The following SPTSSB variants were observed in gnomAD, a reference collection of about 807,000 sequenced individuals.
SPTSSB encodes the protein androgen down regulated in mouse prostate.
Under a neutral mutation model 7.7 loss-of-function variants are expected in SPTSSB, and 6 were observed. That is an observed-to-expected ratio of 0.78 (90% CI 0.43 to 1.54). The LOEUF (loss-of-function observed/expected upper bound fraction) is 1.54, where lower values mean the gene tolerates loss of function less well. SPTSSB is among the 40% of genes most tolerant of loss of function. SPTSSB has a pLI of 0.01. For missense variants in SPTSSB, 91 were observed against 93.0 expected (o/e 0.98, Z 0.09); for synonymous variants, 28 against 29.7 (o/e 0.94, Z 0.19).
chr3:161,349,713 G>T (rs1470260861), intron 2 of SPTSSB, among the ~76,000 whole-genome samples: 1 of 152,204 alleles, frequency 6.6e-6, no homozygotes, highest in African/African-American at 2.4e-5. Flanking sequence ...TCAGGCAGGG[G>T]TACAGTGGCC....
At chr3:161,363,192 C>T (rs1715078501) in intron 1 of SPTSSB, among the ~76,000 whole-genome samples, 1 of 151,534 alleles carries the variant, frequency 6.6e-6, no homozygotes, top group African/African-American at 2.4e-5. Context: ...TTAGGAAAAA[C>T]ATTTCTTTAT....
chr3:161,350,292 T>C (rs1714466038), intron 2 of SPTSSB, among the ~76,000 whole-genome samples: 1 of 151,970 alleles, frequency 6.6e-6, no homozygotes, highest in Non-Finnish European at 1.5e-5. Flanking sequence ...TCAGTAGCCC[T>C]CCCCCTGCCA....
intron 2 of SPTSSB, among the ~76,000 whole-genome samples, chr3:161,348,312 T>TA (rs5853930): frequency 0.64 from 96,496 of 150,582 alleles, 32,655 homozygotes; most frequent in East Asian, 0.96. Flanking sequence ...CACTCTAAAT[T>TA]AAAAAAAATG....
chr3:161,355,336 A>C (rs1714720517), intron 2 of SPTSSB, among the ~76,000 whole-genome samples: 1 of 152,250 alleles, frequency 6.6e-6, no homozygotes, highest in South Asian at 2.1e-4. Context: ...AAAGTGAACA[A>C]ACTGCAACAT....
At chr3:161,359,072 T>C (rs904913258) in intron 2 of SPTSSB, among the ~76,000 whole-genome samples, 4 of 152,156 alleles carry the variant, frequency 2.6e-5, no homozygotes, top group Non-Finnish European at 5.9e-5. Flanking sequence ...TCACTATAGA[T>C]TGAATAAAAG....
chr3:161,368,238 T>C (rs569459176), intron 1 of SPTSSB, among the ~76,000 whole-genome samples: 1 of 152,144 alleles, frequency 6.6e-6, no homozygotes, highest in Non-Finnish European at 1.5e-5. Flanking sequence ...CTCTGGAAAA[T>C]TTTTTTAAAC....
At chr3:161,355,793 A>T (rs1459893982) in intron 2 of SPTSSB, among the ~76,000 whole-genome samples, 1 of 152,212 alleles carries the variant, frequency 6.6e-6, no homozygotes, top group East Asian at 1.9e-4. Context: ...ACACCACTTA[A>T]CTGTACTCTT....
intron 1 of SPTSSB, among the ~76,000 whole-genome samples, chr3:161,363,600 A>G (rs1475314107): frequency 6.6e-6 from 1 of 152,112 alleles, no homozygotes; most frequent in Admixed American, 6.5e-5. Flanking sequence ...AAAAATATAG[A>G]CAACCATAAT....
rs985909327 is a variant in SPTSSB, at chr3:161,371,473, G to A, written c.-164C>T. ...GTATCTCCCTGCGGCTTAGGTGAGC[G>A]CCGAGGCTTTGGCTCCTCCCCAGCT... On this transcript the variant is annotated 5_prime_UTR_variant, in exon 1 of 3. Coordinates refer to ENST00000620149, the MANE Select transcript of SPTSSB (RefSeq NM_001040100.2). 2 of 985,502 alleles carry A rather than the reference G, an allele frequency of 2.0e-6. No homozygotes were observed. Among genetic ancestry groups the A allele is most frequent in the Non-Finnish European group, 2.4e-6 (2 of 830,000 alleles). The allele number at this position is 985,502 out of a possible 1,614,324, so 61.0% of individuals were successfully genotyped here.
intron 2 of SPTSSB, among the ~76,000 whole-genome samples, chr3:161,354,376 T>C (rs546601928): frequency 4.5e-4 from 68 of 152,366 alleles, no homozygotes; most frequent in African/African-American, 1.6e-3. Flanking sequence ...AAGGTCTCGC[T>C]CTGTCACTTA....
intron 2 of SPTSSB, among the ~76,000 whole-genome samples, chr3:161,352,432 C>T (rs972485430): frequency 6.6e-5 from 10 of 152,202 alleles, no homozygotes; most frequent in Admixed American, 6.5e-4. Context: ...GAAGACCCCT[C>T]CCCTGCAAAG....
chr3:161,361,118 G>T (rs186096300), intron 1 of SPTSSB, among the ~76,000 whole-genome samples: 1 of 152,120 alleles, frequency 6.6e-6, no homozygotes, highest in African/African-American at 2.4e-5. Context: ...GAGAAGATTT[G>T]GGGGGAGGAA....
At chr3:161,349,115 A>C (rs916770475) in intron 2 of SPTSSB, among the ~76,000 whole-genome samples, 1 of 152,178 alleles carries the variant, frequency 6.6e-6, no homozygotes, top group South Asian at 2.1e-4. Flanking sequence ...GAGTACTACT[A>C]TGTGGCTCCT....
rs573894914 is a variant in SPTSSB at position 161,356,496 on chromosome 3, T to G, written c.-33+3306A>C. Among the ~76,000 whole-genome samples the G allele has an allele frequency of 2.3e-4, 35 of 152,348 alleles. No homozygotes were observed. The South Asian group carries it at 7.3e-3, about 32-fold the overall frequency. On this transcript the variant is annotated intron_variant, in intron 2 of 2. Transcript: ENST00000620149. Reference sequence around the variant, plus strand: ...TCTCAGAGTTCTGCCAAAGCAAATCTGGTTGTATAAGGAGCTGGTCAGCCA... The same window carrying G: ...TCTCAGAGTTCTGCCAAAGCAAATCGGGTTGTATAAGGAGCTGGTCAGCCA...
intron 1 of SPTSSB, among the ~76,000 whole-genome samples, chr3:161,369,289 TCTTTCTTTCTTTCTTTCTTTCTTTC>T (rs1715365668): frequency 1.3e-5 from 1 of 76,894 alleles, no homozygotes; most frequent in Admixed American, 1.3e-4. Flanking sequence ...TTCTTTCTTT[TCTTTCTTTCTTTCTTTCTTTCTTTC>T]TCTTTCTTTC....
At chr3:161,350,947 C>A (rs1410539232) in intron 2 of SPTSSB, among the ~76,000 whole-genome samples, 1 of 152,056 alleles carries the variant, frequency 6.6e-6, no homozygotes, top group Admixed American at 6.6e-5. Context: ...ACCCATAGAT[C>A]CAGCCTAATC....
chr3:161,371,487 T>A lies in SPTSSB; in HGVS notation c.-178A>T, dbSNP rs1715514583. On this transcript the variant is annotated 5_prime_UTR_variant, in exon 1 of 3. Coordinates refer to ENST00000620149, the MANE Select transcript of SPTSSB (RefSeq NM_001040100.2). The stretch of plus-strand genomic sequence containing the variant: ...CTTAGGTGAGCGCCGAGGCTTTGGC[T>A]CCTCCCCAGCTGCTGCGAGCTTCCC... 1 of 985,384 alleles carries A rather than the reference T, an allele frequency of 1.0e-6. No individual in the cohort carries two copies. The highest frequency in any genetic ancestry group is 6.1e-5 in the Admixed American group (1 of 16,266). The allele number at this position is 985,384 out of a possible 1,614,324, so 61.0% of individuals were successfully genotyped here. A position where few individuals can be genotyped will look rare whatever the true frequency, so the allele number is the denominator to read the frequency against.
chr3:161,369,742 A>G (rs571123889), intron 1 of SPTSSB, among the ~76,000 whole-genome samples: 13 of 151,968 alleles, frequency 8.6e-5, no homozygotes, highest in Non-Finnish European at 1.8e-4. Flanking sequence ...CTCTCAGGGT[A>G]TACTGTAGAC....
At chr3:161,368,391 C>T (rs143784374) in intron 1 of SPTSSB, among the ~76,000 whole-genome samples, 1 of 151,892 alleles carries the variant, frequency 6.6e-6, no homozygotes, top group South Asian at 2.1e-4. Context: ...ACACACTGTA[C>T]CCTTTAGTCA....
Sources: allele counts gnomAD v4.1 joint callset (sites outside exome capture counted in the v4.1 genomes callset), GRCh38; gene constraint gnomAD v4.1.1; transcripts MANE v1.5; gene names NCBI Gene and HGNC (gene_info 2026-07-23, HGNC 2026-07-21).